Variants in LRRC4C observed in about 807,000 individuals in gnomAD.
The protein encoded by LRRC4C is leucine-rich repeat-containing protein 4C.
LRRC4C carries 5 observed loss-of-function variants against 33.6 expected under a neutral mutation model. The ratio of observed to expected loss-of-function variants is 0.15; its 90% CI spans 0.08 to 0.31. LRRC4C has a LOEUF of 0.31. LRRC4C is among the 10% of genes least tolerant of loss of function. The pLI is 1.00. For missense variants in LRRC4C, 560 were observed against 796.7 expected, an observed-to-expected ratio of 0.70 and a Z score of 3.58; for synonymous variants, 329 against 302.0, an observed-to-expected ratio of 1.09 and a Z score of -0.93.
At chr11:40,666,213 AC>A (rs1466881934) in intron 2 of LRRC4C, among the ~76,000 whole-genome samples, 1 of 152,176 alleles carries the variant, frequency 6.6e-6, no homozygotes, top group Non-Finnish European at 1.5e-5. Flanking sequence ...AATGTTGAAC[AC>A]AAAAAGCAAG....
chr11:40,292,707 A>T (rs1307073427), intron 4 of LRRC4C: 2 of 151,620 alleles, frequency 1.3e-5, no homozygotes, highest in Admixed American at 6.6e-5. Context: ...GTCAGAACAC[A>T]CCAACCCCCG....
chr11:40,993,866 G>A (rs1455112599), intron 1 of LRRC4C, among the ~76,000 whole-genome samples: 1 of 152,090 alleles, frequency 6.6e-6, no homozygotes, highest in African/African-American at 2.4e-5. Flanking sequence ...ATAACAATTT[G>A]AGGATGACAG....
intron 4 of LRRC4C, among the ~76,000 whole-genome samples, chr11:40,301,653 C>CA (rs1944779230): frequency 6.6e-6 from 1 of 151,990 alleles, no homozygotes; most frequent in African/African-American, 2.4e-5. Context: ...AGTGCAGATT[C>CA]AAGAAATGAT....
chr11:41,065,080 G>T (rs202161650), intron 1 of LRRC4C, among the ~76,000 whole-genome samples: 1 of 87,806 alleles, frequency 1.1e-5, no homozygotes, highest in African/African-American at 4.2e-5. Flanking sequence ...CCGGAAAGGG[G>T]GCTGAGCCAG....
At chr11:41,406,103 G>A (rs1954220826) in intron 1 of LRRC4C, among the ~76,000 whole-genome samples, 1 of 150,892 alleles carries the variant, frequency 6.6e-6, no homozygotes, top group Non-Finnish European at 1.5e-5. Flanking sequence ...AAGAGACAGA[G>A]AGACAGACTT....
Position 40,506,426 on chromosome 11 carries a change from G to A in LRRC4C, c.-270+141716C>T, listed in dbSNP as rs532983747. ...CACAGTTTCAGTAAACGGAATTAGC[G>A]TATTTCATTACAAGAAAACTTCCTC... On this transcript the variant is annotated intron_variant, in intron 3 of 6. Transcript: ENST00000528697. 7.9e-5 allele frequency among the ~76,000 whole-genome samples: 12 copies of A among 152,188 alleles called. No homozygotes were observed. In the South Asian group the frequency reaches 1.0e-3, roughly 13 times the overall value.
chr11:41,036,019 A>G (rs2137895939), intron 1 of LRRC4C, among the ~76,000 whole-genome samples: 1 of 152,192 alleles, frequency 6.6e-6, no homozygotes, highest in East Asian at 1.9e-4. Context: ...CTTGGAATTT[A>G]CGTTTAGGAG....
intron 1 of LRRC4C, among the ~76,000 whole-genome samples, chr11:41,353,068 T>C (rs1952037093): frequency 6.6e-6 from 1 of 151,854 alleles, no homozygotes; most frequent in South Asian, 2.1e-4. Flanking sequence ...AAATCCATAC[T>C]AAAGATCAAT....
chr11:41,058,011 G>C (rs1858759581), intron 1 of LRRC4C, among the ~76,000 whole-genome samples: 1 of 152,154 alleles, frequency 6.6e-6, no homozygotes, highest in South Asian at 2.1e-4. Context: ...CCCTCTACTT[G>C]TCTGCGTACC....
intron 2 of LRRC4C, among the ~76,000 whole-genome samples, chr11:40,653,865 C>A (rs1942948906): frequency 6.6e-6 from 1 of 152,156 alleles, no homozygotes; most frequent in Admixed American, 6.5e-5. Context: ...GTTTCATGGG[C>A]CAGGGCCCAG....
At chr11:40,265,766 T>C (rs533740361) in intron 4 of LRRC4C, among the ~76,000 whole-genome samples, 1 of 152,190 alleles carries the variant, frequency 6.6e-6, no homozygotes, top group Non-Finnish European at 1.5e-5. Flanking sequence ...AGGGATTATA[T>C]GCATACATAA....
chr11:41,350,335 C>T (rs956788697), intron 1 of LRRC4C, among the ~76,000 whole-genome samples: 7 of 151,946 alleles, frequency 4.6e-5, no homozygotes, highest in East Asian at 3.9e-4. Flanking sequence ...TGGGTGAAAC[C>T]CTGTCTCCAC....
chr11:41,064,764 C>T (rs1938084875), intron 1 of LRRC4C, among the ~76,000 whole-genome samples: 1 of 152,174 alleles, frequency 6.6e-6, no homozygotes. Flanking sequence ...TGGGTGTAAC[C>T]CACAGAGGGA....
intron 1 of LRRC4C, among the ~76,000 whole-genome samples, chr11:41,103,746 T>C (rs915250236): frequency 1.3e-5 from 2 of 151,922 alleles, no homozygotes; most frequent in African/African-American, 2.4e-5. Flanking sequence ...TACAAAGCTA[T>C]AGGAATCAAG....
At chr11:41,274,066 C>A (rs1949402380) in intron 1 of LRRC4C, among the ~76,000 whole-genome samples, 1 of 151,978 alleles carries the variant, frequency 6.6e-6, no homozygotes, top group Non-Finnish European at 1.5e-5. Flanking sequence ...AAATAGAAAT[C>A]TCCTGACATG....
intron 1 of LRRC4C, among the ~76,000 whole-genome samples, chr11:41,127,350 T>C (rs1942793563): frequency 6.6e-6 from 1 of 152,034 alleles, no homozygotes. Flanking sequence ...CCTCTTCCTC[T>C]TCTTCTTTTA....
intron 1 of LRRC4C, among the ~76,000 whole-genome samples, chr11:41,062,761 A>C (rs1937886161): frequency 6.6e-6 from 1 of 152,232 alleles, no homozygotes; most frequent in Non-Finnish European, 1.5e-5. Flanking sequence ...GTCATGCCGG[A>C]ATTGGCTAGG....
intron 3 of LRRC4C, among the ~76,000 whole-genome samples, chr11:40,466,358 G>C (rs1234395137): frequency 6.6e-6 from 1 of 151,790 alleles, no homozygotes; most frequent in East Asian, 1.9e-4. Flanking sequence ...GACTAGACTT[G>C]ACCATGATGC....
chr11:40,593,500 CAT>C (rs1959151667), intron 3 of LRRC4C, among the ~76,000 whole-genome samples: 2 of 152,134 alleles, frequency 1.3e-5, no homozygotes, highest in Non-Finnish European at 2.9e-5. Context: ...ACAACACACA[CAT>C]GTATGTACTG....
Sources: gnomAD v4.1 joint callset for allele counts (sites outside exome capture counted in the v4.1 genomes callset) on GRCh38, gnomAD v4.1.1 for gene constraint, MANE v1.5 for transcripts, NCBI Gene and HGNC (gene_info 2026-07-23, HGNC 2026-07-21) for gene names.